CBFA2T3: variants seen among roughly 807,000 people sequenced by gnomAD.
The protein encoded by CBFA2T3 is transcriptional corepressor CBFA2T3.
CBFA2T3 carries 31 observed loss-of-function variants against 58.6 expected under a neutral mutation model. The ratio of observed to expected loss-of-function variants is 0.53; its 90% CI spans 0.40 to 0.71. CBFA2T3 has a LOEUF of 0.71. Among genes scored for constraint, CBFA2T3 ranks in the 30% least tolerant of loss-of-function variants. The pLI is 0.00. For missense variants in CBFA2T3, 1,076 were observed against 963.1 expected (o/e 1.12, Z -1.55); for synonymous variants, 531 against 421.9 (o/e 1.26, Z -3.17).
At position 88,880,965 on chromosome 16, in the gene CBFA2T3, C is replaced by CG. The variant is rs1037482306; in HGVS notation, c.1403-178dup. ...AGGCACCCAGGGCAGTGCCCGGGCACGGGGGGCATTGGAGCTGTGGACCTT... is the reference window on the plus strand; with the variant it reads ...AGGCACCCAGGGCAGTGCCCGGGCACGGGGGGGCATTGGAGCTGTGGACCTT... On this transcript the variant is annotated intron_variant, in intron 9 of 11. Transcript: ENST00000268679. 2.5e-4 allele frequency: 170 copies of CG among 677,718 alleles called. No homozygotes were observed. In the African/African-American group the frequency reaches 2.7e-3, roughly 11 times the overall value. The allele number at this position is 677,718 out of a possible 1,614,324, so 42.0% of individuals were successfully genotyped here. A position where few individuals can be genotyped will look rare whatever the true frequency, so the allele number is the denominator to read the frequency against.
intron 1 of CBFA2T3, among the ~76,000 whole-genome samples, chr16:88,920,124 C>A (rs868197519): frequency 6.6e-6 from 1 of 152,262 alleles, no homozygotes; most frequent in East Asian, 1.9e-4. Flanking sequence ...CGAGGCCTGC[C>A]GTCCTCCCAC....
At chr16:88,888,748 T>C (rs1307142167) in intron 5 of CBFA2T3, among the ~76,000 whole-genome samples, 1 of 151,678 alleles carries the variant, frequency 6.6e-6, no homozygotes, top group Non-Finnish European at 1.5e-5. Context: ...GGCCTCCCCC[T>C]AGAAGCGCCA....
intron 1 of CBFA2T3, among the ~76,000 whole-genome samples, chr16:88,916,397 T>C (rs192262401): frequency 0.016 from 2,454 of 152,072 alleles, 29 homozygotes; most frequent in Middle Eastern, 0.031. Context: ...TATGTATTCA[T>C]ATGCGTATTC....
chr16:88,908,096 C>T (rs1185327670), intron 1 of CBFA2T3, among the ~76,000 whole-genome samples: 1 of 152,206 alleles, frequency 6.6e-6, no homozygotes, highest in African/African-American at 2.4e-5. Flanking sequence ...CATCCCAGCA[C>T]TTTGGGAGGC....
At chr16:88,939,087 A>G (rs934154847) in intron 1 of CBFA2T3, 12 of 152,182 alleles carry the variant, frequency 7.9e-5, no homozygotes, top group Non-Finnish European at 1.2e-4. Context: ...AGAAAAATTA[A>G]TTTCTTCCAG....
chr16:88,965,582 C>T (rs882504), intron 1 of CBFA2T3, among the ~76,000 whole-genome samples: 16,951 of 152,222 alleles, frequency 0.11, 1,741 homozygotes, highest in African/African-American at 0.27. Flanking sequence ...GTGCCACGGC[C>T]AACACATGCC....
In CBFA2T3 at chr16:88,899,116, T is replaced by C. The variant is rs1020354206; in HGVS notation, c.305-964A>G. On this transcript the variant is annotated intron_variant, in intron 2 of 11. Coordinates refer to ENST00000268679, the MANE Select transcript of CBFA2T3 (RefSeq NM_005187.6). Reference sequence around the variant, plus strand: ...CGCAGCTTCAACTCCAAGATGAATTTGCGCCCAGGGCTGTCACTGGGCAAG... The same window carrying C: ...CGCAGCTTCAACTCCAAGATGAATTCGCGCCCAGGGCTGTCACTGGGCAAG... Among the ~76,000 whole-genome samples, 8 of 131,272 alleles carry C rather than the reference T, an allele frequency of 6.1e-5. No homozygotes were observed. In the South Asian group the frequency reaches 2.1e-3, roughly 34 times the overall value. 86.1% of individuals were successfully genotyped at this position (131,272 alleles called of 152,430 possible). A position where few individuals can be genotyped will look rare whatever the true frequency, so the allele number is the denominator to read the frequency against.
At chr16:88,929,665 ACGC>A in intron 1 of CBFA2T3, among the ~76,000 whole-genome samples, 1 of 151,432 alleles carries the variant, frequency 6.6e-6, no homozygotes, top group African/African-American at 2.4e-5. Context: ...TGCGTGGTCC[ACGC>A]AAAAACTACC....
chr16:88,970,163 C>G (rs538029743), intron 1 of CBFA2T3, among the ~76,000 whole-genome samples: 9 of 151,980 alleles, frequency 5.9e-5, no homozygotes, highest in African/African-American at 1.9e-4. Flanking sequence ...TGTCCTGGGC[C>G]GAGAGAGGAT....
rs543806894 is a variant in CBFA2T3, at chr16:88,977,139, C to A, written c.-332G>T. On this transcript the variant is annotated 5_prime_UTR_variant, in exon 1 of 12. Transcript: ENST00000268679. Reference sequence around the variant, plus strand: ...GGGGCCGGAGGCCTGCAGCTGCGCCCGCCACTTCCCTGACAGGAACCATCT... The same window carrying A: ...GGGGCCGGAGGCCTGCAGCTGCGCCAGCCACTTCCCTGACAGGAACCATCT... The A allele has an allele frequency of 3.2e-6, 1 of 314,718 alleles. No homozygotes were observed. Among genetic ancestry groups the A allele is most frequent in the Non-Finnish European group, 6.0e-6 (1 of 168,038 alleles). The allele number at this position is 314,718 out of a possible 1,614,324, so 19.5% of individuals were successfully genotyped here. A position where few individuals can be genotyped will look rare whatever the true frequency, so the allele number is the denominator to read the frequency against.
At chr16:88,883,151 G>T (rs191293839) in intron 7 of CBFA2T3, 206 of 310,884 alleles carry the variant, frequency 6.6e-4, no homozygotes, top group African/African-American at 4.2e-3. Context: ...CACTGGCCGG[G>T]AAGGCTTTGT....
chr16:88,902,204 C>G (rs1020135373), intron 1 of CBFA2T3, among the ~76,000 whole-genome samples: 1 of 152,152 alleles, frequency 6.6e-6, no homozygotes, highest in African/African-American at 2.4e-5. Flanking sequence ...GGCTGGGGGG[C>G]GGGGGACGGT....
intron 1 of CBFA2T3, among the ~76,000 whole-genome samples, chr16:88,909,803 G>A (rs1970470340): frequency 6.6e-6 from 1 of 152,200 alleles, no homozygotes; most frequent in Admixed American, 6.5e-5. Context: ...ACTGGCCACG[G>A]CCGTGCAGTG....
chr16:88,976,733 C>T lies in CBFA2T3; in HGVS notation c.75G>A (p.Thr25=), dbSNP rs757572151. Residue 25 remains threonine (T), a synonymous_variant, in exon 1 of 12, where the codon ACG becomes ACA. Transcript: ENST00000268679. ...GGAGGCCGCTCTCCAGCACAGGGTG[C>T]GTCTGGGACATGGAGCCACAGGTGG... ...SGSTCGSMSQ[T]HPVLESGLLA... is the part of the protein sequence containing the mutation. The T allele has an allele frequency of 2.4e-5, 38 of 1,557,450 alleles. 1 individual carries two copies. Among genetic ancestry groups the T allele is most frequent in the African/African-American group, 8.2e-5 (6 of 73,606 alleles).
intron 1 of CBFA2T3, among the ~76,000 whole-genome samples, chr16:88,947,037 C>G (rs921920865): frequency 2.0e-5 from 3 of 152,184 alleles, no homozygotes; most frequent in African/African-American, 7.2e-5. Flanking sequence ...ATATGCTTGT[C>G]TAGACACATA....
chr16:88,975,918 T>C (rs572780232), intron 1 of CBFA2T3, among the ~76,000 whole-genome samples: 1 of 152,344 alleles, frequency 6.6e-6, no homozygotes, highest in Non-Finnish European at 1.5e-5. Context: ...CGGGAGACTG[T>C]GAGCTCCTGA....
In CBFA2T3 at chr16:88,875,099, G is replaced by A. The variant is rs1021137718; in HGVS notation, c.*1877C>T. The A allele has an allele frequency of 2.9e-4, 69 of 234,472 alleles. No homozygotes were observed. Among genetic ancestry groups the A allele is most frequent in the African/African-American group, 1.5e-3 (67 of 44,604 alleles). The allele number at this position is 234,472 out of a possible 1,614,324, so 14.5% of individuals were successfully genotyped here. On this transcript the variant is annotated 3_prime_UTR_variant, in exon 12 of 12. Transcript: ENST00000268679. The stretch of plus-strand genomic sequence containing the variant: ...GGCCACGCCACGCGCACAGATGCCA[G>A]GCCACGGGCCACGCCACACACACAG...
chr16:88,965,087 C>CCA (rs1972465506), intron 1 of CBFA2T3, among the ~76,000 whole-genome samples: 1 of 150,560 alleles, frequency 6.6e-6, no homozygotes, highest in Non-Finnish European at 1.5e-5. Context: ...ACCCACCCAT[C>CCA]TATCCATCCA....
In CBFA2T3 at chr16:88,950,117, T is replaced by C. The variant is rs1597781493; in HGVS notation, c.151+26540A>G. 1.1e-5 allele frequency: 5 copies of C among 453,536 alleles called. 1 individual carries two copies. The Middle Eastern group carries it at 2.2e-3, about 197-fold the overall frequency. 28.1% of individuals were successfully genotyped at this position (453,536 alleles called of 1,614,324 possible). A position where few individuals can be genotyped will look rare whatever the true frequency, so the allele number is the denominator to read the frequency against. ...CCCCTCTCCTCCTCTCCCGTCTCTC[T>C]TCACCTCTCTTTATCTGGATCTGTC... On this transcript the variant is annotated intron_variant, in intron 1 of 11. Transcript: ENST00000268679.
Sources: gnomAD v4.1 joint callset for allele counts (sites outside exome capture counted in the v4.1 genomes callset) on GRCh38, gnomAD v4.1.1 for gene constraint, MANE v1.5 for transcripts, NCBI Gene and HGNC (gene_info 2026-07-23, HGNC 2026-07-21) for gene names.